The following NRXN3 variants were observed in gnomAD, a reference collection of about 807,000 sequenced individuals.
NRXN3 encodes the protein neurexin III.
In NRXN3, 32 loss-of-function variants were observed where a neutral mutation model predicts 137.6. The ratio of observed to expected loss-of-function variants is 0.23; its 90% CI spans 0.18 to 0.31. The LOEUF (loss-of-function observed/expected upper bound fraction) is 0.31. Ranked by LOEUF, NRXN3 falls within the 10% of genes least tolerant of loss-of-function variation. The pLI, the probability that NRXN3 is intolerant of heterozygous loss-of-function variation, is 1.00. For synonymous variants in NRXN3, 798 were observed against 784.5 expected (o/e 1.02, Z -0.29); for missense variants, 1,574 against 2,062.5 (o/e 0.76, Z 4.59).
chr14:78,944,055 G>T (rs955870382), intron 10 of NRXN3, among the ~76,000 whole-genome samples: 2 of 152,118 alleles, frequency 1.3e-5, no homozygotes, highest in African/African-American at 4.8e-5. Flanking sequence ...GGAGCTAACT[G>T]TTGAAGAATA....
chr14:78,581,554 A>T lies in NRXN3; in HGVS notation c.758-63566A>T, dbSNP rs1051081947. Reference sequence around the variant, plus strand: ...CACATTGGTGATTAAGTTTCAACACATGGATTTTAGGCGACAATCAGACCA... The same window carrying T: ...CACATTGGTGATTAAGTTTCAACACTTGGATTTTAGGCGACAATCAGACCA... On this transcript the variant is annotated intron_variant, in intron 4 of 20. Coordinates refer to ENST00000335750, the MANE Select transcript of NRXN3 (RefSeq NM_001330195.2). 7.0e-4 allele frequency among the ~76,000 whole-genome samples: 107 copies of T among 152,198 alleles called. 1 individual carries two copies. Among genetic ancestry groups the T allele is most frequent in the African/African-American group, 2.6e-3 (107 of 41,448 alleles).
chr14:79,167,675 A>T lies in NRXN3; in HGVS notation c.3262+179534A>T, dbSNP rs781319527. On this transcript the variant is annotated intron_variant, in intron 15 of 20. Coordinates refer to ENST00000335750, the MANE Select transcript of NRXN3 (RefSeq NM_001330195.2). Reference sequence around the variant, plus strand: ...ATGTCTAATTGCAGGTTACCATTTCATCTGCTACTTTATTTTTTATGCCTC... The same window carrying T: ...ATGTCTAATTGCAGGTTACCATTTCTTCTGCTACTTTATTTTTTATGCCTC... Among the ~76,000 whole-genome samples, 5 of 151,004 alleles carry T rather than the reference A, an allele frequency of 3.3e-5. No homozygotes were observed. The East Asian group carries it at 7.8e-4, about 23-fold the overall frequency.
At chr14:79,252,953 A>G (rs2076127959) in intron 15 of NRXN3, among the ~76,000 whole-genome samples, 2 of 152,222 alleles carry the variant, frequency 1.3e-5, no homozygotes, top group South Asian at 2.1e-4. Flanking sequence ...TCACATCTGT[A>G]TGAAGACTTG....
rs1286468922 is a variant in NRXN3 at position 78,328,860 on chromosome 14, A to G, written c.757+31000A>G. On this transcript the variant is annotated intron_variant, in intron 4 of 20. Transcript: ENST00000335750. ...AAAATCTAGTTGAGGATTGACATGT[A>G]TACATGGCAAGGTACTATCTTACAA... Among the ~76,000 whole-genome samples the G allele has an allele frequency of 3.3e-5, 5 of 152,188 alleles. No homozygotes were observed. The East Asian group carries it at 7.7e-4, about 23-fold the overall frequency.
At chr14:79,537,706 G>C (rs1026310426) in intron 16 of NRXN3, among the ~76,000 whole-genome samples, 9 of 152,134 alleles carry the variant, frequency 5.9e-5, no homozygotes, top group East Asian at 1.9e-4. Flanking sequence ...GGACATTTGG[G>C]TTGGTTCCAA....
At chr14:79,674,103 C>G (rs1314228429) in intron 17 of NRXN3, among the ~76,000 whole-genome samples, 1 of 151,980 alleles carries the variant, frequency 6.6e-6, no homozygotes, top group Non-Finnish European at 1.5e-5. Context: ...GAAGATCAGA[C>G]AGGGGCGAGC....
chr14:78,214,506 C>T (rs1034537969), intron 1 of NRXN3, among the ~76,000 whole-genome samples: 1 of 151,022 alleles, frequency 6.6e-6, no homozygotes, highest in African/African-American at 2.4e-5. Context: ...CAGGGGCTAC[C>T]TCTGTCTTTG....
intron 9 of NRXN3, among the ~76,000 whole-genome samples, chr14:78,807,166 G>A (rs186945178): frequency 1.1e-3 from 160 of 152,282 alleles, no homozygotes; most frequent in Middle Eastern, 3.4e-3. Context: ...ATTTTCCTCA[G>A]TGCCCAGTTT....
intron 15 of NRXN3, among the ~76,000 whole-genome samples, chr14:79,466,534 G>A (rs1169799393): frequency 1.3e-5 from 2 of 152,164 alleles, no homozygotes; most frequent in African/African-American, 4.8e-5. Context: ...GGTGCAGTGA[G>A]CCGAGGTTGC....
At chr14:78,217,468 C>A (rs2063408859) in intron 1 of NRXN3, among the ~76,000 whole-genome samples, 1 of 152,148 alleles carries the variant, frequency 6.6e-6, no homozygotes, top group South Asian at 2.1e-4. Flanking sequence ...GAGCCTGCAA[C>A]AAGGAATTAT....
At chr14:79,051,068 T>A (rs1029329381) in intron 15 of NRXN3, among the ~76,000 whole-genome samples, 4 of 152,138 alleles carry the variant, frequency 2.6e-5, no homozygotes, top group African/African-American at 7.2e-5. Flanking sequence ...TGCTGACACA[T>A]AGGGAGGTTT....
chr14:79,287,450 A>G (rs1318891052), intron 15 of NRXN3, among the ~76,000 whole-genome samples: 2 of 152,232 alleles, frequency 1.3e-5, no homozygotes, highest in East Asian at 3.9e-4. Flanking sequence ...AAACCTGTGC[A>G]GAATTCAAAC....
chr14:79,611,786 T>C (rs908753618), intron 16 of NRXN3: 1 of 152,216 alleles, frequency 6.6e-6, no homozygotes, highest in African/African-American at 2.4e-5. Context: ...GAATCCTGGC[T>C]CCACAAGTAG....
At chr14:79,709,648 T>C (rs545947494) in intron 19 of NRXN3, among the ~76,000 whole-genome samples, 1 of 152,278 alleles carries the variant, frequency 6.6e-6, no homozygotes, top group South Asian at 2.1e-4. Flanking sequence ...TTTTCTGCTC[T>C]GCCTCTCCAC....
chr14:78,724,910 C>G (rs1372530207), intron 8 of NRXN3, among the ~76,000 whole-genome samples: 1 of 152,158 alleles, frequency 6.6e-6, no homozygotes, highest in East Asian at 1.9e-4. Flanking sequence ...TGAGGCTGGA[C>G]CCTTCAATAT....
chr14:79,012,179 A>C (rs895972708), intron 15 of NRXN3, among the ~76,000 whole-genome samples: 2 of 152,204 alleles, frequency 1.3e-5, no homozygotes, highest in Admixed American at 1.3e-4. Context: ...GGTGATGTGA[A>C]ACATATATTA....
At chr14:79,776,409 C>G (rs892621770) in intron 19 of NRXN3, among the ~76,000 whole-genome samples, 2 of 152,106 alleles carry the variant, frequency 1.3e-5, no homozygotes, top group Admixed American at 6.6e-5. Context: ...CTTCATTTAC[C>G]TAAATGAGGC....
intron 4 of NRXN3, among the ~76,000 whole-genome samples, chr14:78,641,888 T>C (rs1189938917): frequency 1.3e-5 from 2 of 152,256 alleles, no homozygotes; most frequent in Admixed American, 6.5e-5. Flanking sequence ...AGTTCTTATT[T>C]ATTTATGGTG....
At chr14:79,578,961 T>G (rs1027335388) in intron 16 of NRXN3, among the ~76,000 whole-genome samples, 2 of 152,132 alleles carry the variant, frequency 1.3e-5, no homozygotes, top group Non-Finnish European at 2.9e-5. Flanking sequence ...ACAAAATTAT[T>G]TTCAGTAATA....
Sources: allele counts gnomAD v4.1 joint callset (sites outside exome capture counted in the v4.1 genomes callset), GRCh38; gene constraint gnomAD v4.1.1; transcripts MANE v1.5; gene names NCBI Gene and HGNC (gene_info 2026-07-23, HGNC 2026-07-21).